The following GEMIN8 variants were observed in gnomAD, a reference collection of about 807,000 sequenced individuals.
GEMIN8 encodes gem-associated protein 8.
For synonymous variants in GEMIN8, 80 were observed against 78.5 expected (o/e 1.02, Z -0.10); for missense variants, 185 against 205.9 (o/e 0.90, Z 0.62).
intron 1 of GEMIN8, chrX:14,029,546 G>A (rs1924876654): frequency 8.9e-6 from 1 of 112,806 alleles, no homozygotes; most frequent in Non-Finnish European, 1.9e-5. Flanking sequence ...TGATTCGGAA[G>A]CACTGCAGAG....
the GEMIN8 span, among the ~76,000 whole-genome samples, chrX:13,991,888 A>AT: frequency 5.3e-5 from 6 of 112,307 alleles, no homozygotes; most frequent in African/African-American, 1.9e-4. Flanking sequence ...ACTGAGCCTA[A>AT]TCCCTATTGA....
the GEMIN8 span, among the ~76,000 whole-genome samples, chrX:13,993,861 G>A: frequency 3.6e-5 from 4 of 111,923 alleles, no homozygotes; most frequent in African/African-American, 1.3e-4. Context: ...GAGCTTGACA[G>A]AAATACATGT....
chrX:14,016,936 G>A (rs994230257), intron 4 of GEMIN8, among the ~76,000 whole-genome samples: 4 of 98,541 alleles, frequency 4.1e-5, no homozygotes, highest in African/African-American at 1.5e-4. Flanking sequence ...AACGGTATCA[G>A]AGAAAAACCA....
Position 14,008,970 on chromosome X carries a change from G to A in GEMIN8, c.672C>T (p.Asp224=), listed in dbSNP as rs145493823. ...TGGGCTGCTTTCGGTCACAGTGCTT[G>A]TCAAAGCTCAGCTGCACCGCGGCCT... is the stretch of plus-strand genomic sequence containing the variant. ...AMEAAVQLSF[D]KHCDRKQPKY... Residue 224 remains aspartate, a synonymous_variant, in exon 5 of 5, where the codon GAC becomes GAT. Coordinates refer to ENST00000680255, the MANE Select transcript of GEMIN8 (RefSeq NM_001042479.2). The A allele has an allele frequency of 5.4e-4, 648 of 1,209,127 alleles. No homozygotes were observed. The highest frequency in any genetic ancestry group is 1.4e-3 in the Middle Eastern group (6 of 4,336).
chrX:14,009,092 G>A lies in GEMIN8; in HGVS notation c.550C>T (p.Arg184Trp), dbSNP rs767930001. Residue 184 changes from arginine (R) to tryptophan (W), a missense_variant, in exon 5 of 5, where the codon CGG (arginine) becomes TGG (tryptophan). By Grantham distance (101) the Arg-to-Trp change is moderately radical (BLOSUM62 -3). Transcript: ENST00000680255. The part of the protein sequence containing the change: ...ADHDLYCNTR[R>W]SVEAPTERPG... ...CTCTCAGTTGGGGCTTCTACCGACCGGCGGGTGTTGCAGTACAGGTCGTGG... is the reference window on the plus strand; with the variant it reads ...CTCTCAGTTGGGGCTTCTACCGACCAGCGGGTGTTGCAGTACAGGTCGTGG... 6.6e-6 allele frequency: 8 copies of A among 1,209,987 alleles called. No individual in the cohort carries two copies. The highest frequency in any genetic ancestry group is 3.5e-5 in the African/African-American group (2 of 57,419).
chrX:13,996,719 G>A, the GEMIN8 span, among the ~76,000 whole-genome samples: 1 of 111,505 alleles, frequency 9.0e-6, no homozygotes, highest in South Asian at 3.7e-4. Flanking sequence ...AAGGGGTGCA[G>A]TAGATTACTT....
the GEMIN8 span, among the ~76,000 whole-genome samples, chrX:13,996,396 C>T: frequency 1.8e-5 from 2 of 111,959 alleles, no homozygotes; most frequent in Non-Finnish European, 3.8e-5. Flanking sequence ...TTTAATGGAC[C>T]TACAGTTCCA....
At chrX:14,005,848 C>T (rs764314220), downstream of GEMIN8, among the ~76,000 whole-genome samples, 2 of 111,246 alleles carry the variant, frequency 1.8e-5, no homozygotes, top group Admixed American at 9.6e-5. Flanking sequence ...AGCCCCCTGA[C>T]ATCTGGTGTC....
At chrX:14,014,546 A>G in intron 4 of GEMIN8, 1 of 748,431 alleles carries the variant, frequency 1.3e-6, no homozygotes, top group Non-Finnish European at 1.6e-6. Context: ...TCTGCACCAG[A>G]TGAAACACAC....
intron 2 of GEMIN8, among the ~76,000 whole-genome samples, chrX:14,022,681 G>A (rs1036004734): frequency 4.5e-5 from 5 of 111,586 alleles, no homozygotes; most frequent in African/African-American, 1.6e-4. Context: ...AAAAATGCAT[G>A]ATAATTTAAG....
Position 14,014,485 on chromosome X carries a change from C to T in GEMIN8, c.473-5316G>A, listed in dbSNP as rs1923779723. The T allele has an allele frequency of 8.0e-6, 6 of 747,610 alleles. No homozygotes were observed. The South Asian group carries it at 3.4e-4, about 43-fold the overall frequency. The allele number at this position is 747,610 out of a possible 1,213,427, so 61.6% of individuals were successfully genotyped here. A position where few individuals can be genotyped will look rare whatever the true frequency, so the allele number is the denominator to read the frequency against. ...TTTCATGTTCCTTTCCACTTTTCTA[C>T]AGCCATTAACACGTATCATCTCACT... On this transcript the variant is annotated intron_variant, in intron 4 of 4. Coordinates refer to ENST00000680255, the MANE Select transcript of GEMIN8 (RefSeq NM_001042479.2).
intron 4 of GEMIN8, among the ~76,000 whole-genome samples, chrX:14,019,011 C>T (rs1180912980): frequency 9.0e-6 from 1 of 111,443 alleles, no homozygotes; most frequent in Middle Eastern, 4.7e-3. Flanking sequence ...TGAAGAATCA[C>T]GGACGAAGAT....
chrX:14,001,528 T>C, the GEMIN8 span, among the ~76,000 whole-genome samples: 1 of 110,850 alleles, frequency 9.0e-6, no homozygotes, highest in Non-Finnish European at 1.9e-5. Flanking sequence ...CAACATGCGC[T>C]TTTTTTCCCC....
Position 14,026,199 on chromosome X carries a change from T to G in GEMIN8, c.-93A>C. ...AAGCCTTCAGGGACTGAACAGTAAC[T>G]TTTCTCCAATGGGCTGGTGGAGCTG... On this transcript the variant is annotated 5_prime_UTR_variant, in exon 2 of 5. Coordinates refer to ENST00000680255, the MANE Select transcript of GEMIN8 (RefSeq NM_001042479.2). 1 of 751,662 alleles carries G rather than the reference T, an allele frequency of 1.3e-6. No individual in the cohort carries two copies. Among genetic ancestry groups the G allele is most frequent in the Non-Finnish European group, 1.6e-6 (1 of 636,601 alleles). The allele number at this position is 751,662 out of a possible 1,213,427, so 61.9% of individuals were successfully genotyped here.
At chrX:14,006,272 G>A (rs776542869), downstream of GEMIN8, among the ~76,000 whole-genome samples, 3 of 110,505 alleles carry the variant, frequency 2.7e-5, no homozygotes, top group South Asian at 3.9e-4. Context: ...CAGGCGATCC[G>A]CCCACCTTGG....
rs867700798 is a variant in GEMIN8, at chrX:14,016,862, A to T, written c.472+3216T>A. ...TCTGTCTCAAAAAAAAAAAAAAAAA[A>T]AAAAATATATATATATATATATATA... is the stretch of plus-strand genomic sequence containing the variant. On this transcript the variant is annotated intron_variant, in intron 4 of 4. Transcript: ENST00000680255. Among the ~76,000 whole-genome samples the T allele has an allele frequency of 3.0e-3, 232 of 77,755 alleles. 6 individuals carry two copies. In the East Asian group the frequency reaches 0.046, roughly 15 times the overall value. 67.5% of individuals were successfully genotyped at this position (77,755 alleles called of 115,157 possible). A position where few individuals can be genotyped will look rare whatever the true frequency, so the allele number is the denominator to read the frequency against.
chrX:13,997,877 C>T, the GEMIN8 span, among the ~76,000 whole-genome samples: 17 of 85,292 alleles, frequency 2.0e-4, no homozygotes, highest in South Asian at 1.3e-3. Flanking sequence ...CCAGCCTGGG[C>T]GACAGAACAA....
At chrX:13,987,955 A>G in the GEMIN8 span, among the ~76,000 whole-genome samples, 2 of 111,681 alleles carry the variant, frequency 1.8e-5, no homozygotes, top group Admixed American at 1.9e-4. Flanking sequence ...AAGCAGCAAG[A>G]AATGGTATTT....
At chrX:13,985,801 C>T in the GEMIN8 span, among the ~76,000 whole-genome samples, 19 of 111,543 alleles carry the variant, frequency 1.7e-4, no homozygotes, top group South Asian at 6.5e-3. Flanking sequence ...TAGAGAGACA[C>T]ACTATATCCT....
Sources: allele counts gnomAD v4.1 joint callset (sites outside exome capture counted in the v4.1 genomes callset), GRCh38; gene constraint gnomAD v4.1.1; transcripts MANE v1.5; gene names NCBI Gene and HGNC (gene_info 2026-07-23, HGNC 2026-07-21).